Variants in AARS1 observed in about 807,000 individuals in gnomAD.
AARS1 encodes alanyl-tRNA synthetase 1.
AARS1 carries 72 observed loss-of-function variants against 108.9 expected under a neutral mutation model. The observed-to-expected ratio is 0.66, with a 90% CI of 0.55 to 0.80. The LOEUF (loss-of-function observed/expected upper bound fraction) is 0.80. Ranked by LOEUF, AARS1 falls within the 30% of genes least tolerant of loss-of-function variation. AARS1 has a pLI of 0.00. For synonymous variants in AARS1, 489 were observed against 465.7 expected, an observed-to-expected ratio of 1.05 and a Z score of -0.64; for missense variants, 1,193 against 1,233.2, an observed-to-expected ratio of 0.97 and a Z score of 0.49.
intron 1 of AARS1, among the ~76,000 whole-genome samples, chr16:70,286,712 G>C (rs1453664793): frequency 6.6e-6 from 1 of 151,676 alleles, no homozygotes; most frequent in Non-Finnish European, 1.5e-5. Context: ...GGGTGTGGTG[G>C]CACGCACCTA....
Position 70,253,273 on chromosome 16 carries a change from G to A in AARS1, c.2716C>T (p.Pro906Ser), listed in dbSNP as rs776897040. ...AGKITCLCQV[P>S]QNAANRGLKA... is the part of the protein sequence containing the mutation. ...TGGTGCGAGGTGGTGCTGACCTGGGGAACTTGACACAGGCACGTGATCTTG... is the reference window on the plus strand; with the variant it reads ...TGGTGCGAGGTGGTGCTGACCTGGGAAACTTGACACAGGCACGTGATCTTG... The change falls in exon 20 of 21, where the codon CCC becomes TCC. Residue 906 changes from proline to serine, a missense_variant. Transcript: ENST00000261772. 3 of 1,612,456 alleles carry A rather than the reference G, an allele frequency of 1.9e-6. No homozygotes were observed. Among genetic ancestry groups the A allele is most frequent in the African/African-American group, 2.7e-5 (2 of 74,880 alleles).
At chr16:70,268,905 G>A (rs1005631778) in intron 7 of AARS1, among the ~76,000 whole-genome samples, 1 of 152,212 alleles carries the variant, frequency 6.6e-6, no homozygotes, top group African/African-American at 2.4e-5. Context: ...AACGAAAGAT[G>A]GCTTTAAGTT....
At chr16:70,281,560 G>A (rs764628514) in intron 2 of AARS1, among the ~76,000 whole-genome samples, 4 of 152,102 alleles carry the variant, frequency 2.6e-5, no homozygotes, top group East Asian at 1.9e-4. Flanking sequence ...CAGCTACTTC[G>A]GAGGCCAAGG....
Position 70,268,298 on chromosome 16 carries a change from C to G in AARS1, c.1044G>C (p.Thr348=), listed in dbSNP as rs181264712. Residue 348 remains threonine, a synonymous_variant, in exon 8 of 21, where the codon ACG becomes ACC. Transcript: ENST00000261772. ...GGGACTGGACGACAACATCCACTAA[C>G]GTAGCAAAGAAGCCCCTGCTGGCAT... ...KLNASRGFFA[T]LVDVVVQSLG... The G allele has an allele frequency of 8.3e-4, 1,335 of 1,614,168 alleles. 23 individuals are homozygous for G. In the Admixed American group the frequency reaches 0.021, roughly 25 times the overall value.
chr16:70,270,563 G>C (rs529497246), intron 5 of AARS1, among the ~76,000 whole-genome samples: 1 of 152,086 alleles, frequency 6.6e-6, no homozygotes, highest in South Asian at 2.1e-4. Flanking sequence ...GAAAGGCCAG[G>C]CGCAGTGGCT....
At chr16:70,265,781 GC>G (rs1211624394) in intron 9 of AARS1, 119 bp from the exon 10 acceptor site, 3 of 1,248,208 alleles carry the variant, frequency 2.4e-6, no homozygotes, top group Non-Finnish European at 3.4e-6. Flanking sequence ...ATCAGTATCG[GC>G]CCTGTGTGCC....
chr16:70,271,716 C>G lies in AARS1; in HGVS notation c.671+65G>C, dbSNP rs575547949. 1.8e-4 allele frequency: 266 copies of G among 1,510,402 alleles called. 1 individual carries two copies. Among genetic ancestry groups the G allele is most frequent in the Non-Finnish European group, 2.3e-4 (249 of 1,088,604 alleles). The allele number at this position is 1,510,402 out of a possible 1,614,324, so 93.6% of individuals were successfully genotyped here. A position where few individuals can be genotyped will look rare whatever the true frequency, so the allele number is the denominator to read the frequency against. On this transcript the variant is annotated intron_variant, in intron 5 of 20. Transcript: ENST00000261772. ...GCTTTTAGCTGAGAAGAGAGCTACA[C>G]AGCTCCGAGTTCCTCCTCCCCTGCT...
chr16:70,288,566 T>A (rs1410465570), intron 1 of AARS1, among the ~76,000 whole-genome samples: 1 of 13,740 alleles, frequency 7.3e-5, no homozygotes, highest in Non-Finnish European at 3.5e-4. Flanking sequence ...TTCTGGGCTC[T>A]TTTTTTTTTT....
intron 5 of AARS1, 24 bp from the exon 6 acceptor site, chr16:70,270,364 G>A: frequency 3.1e-6 from 5 of 1,614,110 alleles, no homozygotes; most frequent in Non-Finnish European, 4.2e-6. Context: ...AAGAAGAGGA[G>A]GTTGAAGCAG....
chr16:70,254,764 CAGG>C (rs779195771), intron 16 of AARS1, 30 bp from the exon 17 acceptor site: 1 of 1,479,848 alleles, frequency 6.8e-7, no homozygotes, highest in South Asian at 1.1e-5. Context: ...CAACCCCAAG[CAGG>C]AGGTCTGAGT....
chr16:70,276,198 G>C (rs948872207), intron 4 of AARS1: 2 of 197,320 alleles, frequency 1.0e-5, no homozygotes, highest in African/African-American at 2.4e-5. Context: ...CTAGCTGACA[G>C]AGCAAGCTCT....
chr16:70,287,982 C>G (rs951815717), intron 1 of AARS1, among the ~76,000 whole-genome samples: 1 of 152,062 alleles, frequency 6.6e-6, no homozygotes, highest in African/African-American at 2.4e-5. Flanking sequence ...TCAGGCTGGT[C>G]TCGACCTCCT....
At chr16:70,256,773 G>T (rs566662129) in intron 15 of AARS1, among the ~76,000 whole-genome samples, 1 of 152,162 alleles carries the variant, frequency 6.6e-6, no homozygotes. Flanking sequence ...CTCCCTGCCT[G>T]CCAGAGGCCT....
intron 16 of AARS1, among the ~76,000 whole-genome samples, chr16:70,255,179 G>C (rs1410423768): frequency 1.3e-5 from 2 of 148,416 alleles, no homozygotes; most frequent in African/African-American, 5.0e-5. Context: ...GGAGGGGGTA[G>C]ATGGCCAGAT....
At position 70,253,308 on chromosome 16, in the gene AARS1, T is replaced by C. The variant is rs775024070; in HGVS notation, c.2681A>G (p.Asn894Ser). ...CAGGCACGTGATCTTGCCAGCCTCATTGTCCACCGTGAAGAGCATGGCAGA... is the reference window on the plus strand; with the variant it reads ...CAGGCACGTGATCTTGCCAGCCTCACTGTCCACCGTGAAGAGCATGGCAGA... The part of the protein sequence containing the change: ...QTSAMLFTVD[N>S]EAGKITCLCQ... The change falls in exon 20 of 21, where the codon AAT becomes AGT. Residue 894 changes from asparagine (N) to serine (S), a missense_variant. By Grantham distance (46) the Asn-to-Ser change is conservative. Transcript: ENST00000261772. The C allele has an allele frequency of 4.0e-5, 65 of 1,614,044 alleles. No individual in the cohort carries two copies. Among genetic ancestry groups the C allele is most frequent in the African/African-American group, 5.3e-5 (4 of 74,934 alleles).
intron 8 of AARS1, 63 bp from the exon 9 acceptor site, chr16:70,267,872 TA>T: frequency 6.2e-7 from 1 of 1,610,592 alleles, no homozygotes; most frequent in Non-Finnish European, 8.5e-7. Context: ...TGCCCCGTCT[TA>T]AAAAAGCTCC....
Position 70,254,642 on chromosome 16 carries a change from C to T in AARS1, c.2379G>A (p.Arg793=). Residue 793 remains arginine (R), a synonymous_variant, in exon 17 of 21, where the codon AGG becomes AGA. Transcript: ENST00000261772. The stretch of plus-strand genomic sequence containing the variant: ...CTACCTCTCCAAGGTCAGCGATCTC[C>T]CTCTGCACATCCTTGTTTGGAGCAG... ...AQTAPNKDVQ[R]EIADLGEALA... The T allele has an allele frequency of 6.2e-7, 1 of 1,613,980 alleles. No individual in the cohort carries two copies. Among genetic ancestry groups the T allele is most frequent in the South Asian group, 1.1e-5 (1 of 91,068 alleles).
intron 4 of AARS1, among the ~76,000 whole-genome samples, chr16:70,274,802 A>G (rs2152165531): frequency 6.6e-6 from 1 of 152,246 alleles, no homozygotes; most frequent in South Asian, 2.1e-4. Flanking sequence ...AACTATGAAC[A>G]AGGCCAGGAA....
chr16:70,274,173 A>G (rs1020825997), intron 4 of AARS1, among the ~76,000 whole-genome samples: 20 of 147,930 alleles, frequency 1.4e-4, no homozygotes, highest in African/African-American at 4.6e-4. Flanking sequence ...CGTCTCTACT[A>G]AGAAAAAAAA....
Sources: gnomAD v4.1 joint callset for allele counts (sites outside exome capture counted in the v4.1 genomes callset) on GRCh38, gnomAD v4.1.1 for gene constraint, MANE v1.5 for transcripts, NCBI Gene and HGNC (gene_info 2026-07-23, HGNC 2026-07-21) for gene names.